The following PRKAR2B variants were observed in gnomAD, a reference collection of about 807,000 sequenced individuals.
The protein encoded by PRKAR2B is protein kinase cAMP-dependent type II regulatory subunit beta.
PRKAR2B carries 14 observed loss-of-function variants against 49.9 expected under a neutral mutation model. That is an observed-to-expected ratio of 0.28 (90% CI 0.19 to 0.44). The LOEUF is 0.44. Among genes scored for constraint, PRKAR2B ranks in the 20% least tolerant of loss-of-function variants. The probability of loss-of-function intolerance (pLI) is 1.00; values close to 1 mark genes in which losing one functional copy is unlikely to be tolerated. For synonymous variants in PRKAR2B, 196 were observed against 197.7 expected (o/e 0.99, Z 0.07); for missense variants, 393 against 537.9 (o/e 0.73, Z 2.67).
chr7:107,095,630 A>G (rs1049732911), intron 2 of PRKAR2B, among the ~76,000 whole-genome samples: 8 of 152,098 alleles, frequency 5.3e-5, no homozygotes, highest in Non-Finnish European at 7.4e-5. Context: ...TATGATATTG[A>G]CTGTGGGTTT....
chr7:107,130,329 C>G (rs1418436627), intron 4 of PRKAR2B, among the ~76,000 whole-genome samples: 1 of 151,350 alleles, frequency 6.6e-6, no homozygotes, highest in Non-Finnish European at 1.5e-5. Context: ...GAAACACTGT[C>G]TCTACTAAAA....
chr7:107,070,521 A>G (rs940301104), intron 2 of PRKAR2B, among the ~76,000 whole-genome samples: 1 of 152,242 alleles, frequency 6.6e-6, no homozygotes, highest in Admixed American at 6.5e-5. Context: ...TTCAAATGCA[A>G]TTGAAAATGT....
chr7:107,134,624 T>C (rs1160887030), intron 4 of PRKAR2B, among the ~76,000 whole-genome samples: 1 of 152,222 alleles, frequency 6.6e-6, no homozygotes, highest in Non-Finnish European at 1.5e-5. Flanking sequence ...CAAAACCATA[T>C]ACTGGGCTCG....
intron 1 of PRKAR2B, among the ~76,000 whole-genome samples, chr7:107,066,234 C>T (rs1420175107): frequency 6.6e-6 from 1 of 151,546 alleles, no homozygotes; most frequent in African/African-American, 2.4e-5. Flanking sequence ...TTGTTTGTTT[C>T]TCCAGGCATA....
chr7:107,064,139 T>G (rs1011789708), intron 1 of PRKAR2B, among the ~76,000 whole-genome samples: 2 of 152,232 alleles, frequency 1.3e-5, no homozygotes, highest in African/African-American at 4.8e-5. Flanking sequence ...TGTGTAGTTT[T>G]ATAAAAACTT....
chr7:107,044,982 C>A lies in PRKAR2B; in HGVS notation c.75C>A (p.Pro25=), dbSNP rs75727925. The A allele has an allele frequency of 2.5e-3, 3,973 of 1,573,624 alleles. 81 individuals are homozygous for A. The African/African-American group carries it at 0.047, about 18-fold the overall frequency. The change falls in exon 1 of 11, where the codon CCC becomes CCA. Residue 25 remains proline, a synonymous_variant. Transcript: ENST00000265717. ...GFTVEVLRHQ[P]ADLLEFALQH... ...CGGTGGAGGTGCTGAGGCACCAGCC[C>A]GCGGACCTGCTGGAGTTCGCGCTGC...
chr7:107,159,724 C>A lies in PRKAR2B; in HGVS notation c.*142C>A. 2 of 806,358 alleles carry A rather than the reference C, an allele frequency of 2.5e-6. No homozygotes were observed. Among genetic ancestry groups the A allele is most frequent in the Non-Finnish European group, 3.8e-6 (2 of 527,422 alleles). The allele number at this position is 806,358 out of a possible 1,614,324, so 50.0% of individuals were successfully genotyped here. On this transcript the variant is annotated 3_prime_UTR_variant, in exon 11 of 11. Transcript: ENST00000265717. ...TTTACATTTACAACGTATCAATAAACAGTAGTGATTTAATAGTCAATAGGC... is the reference window on the plus strand; with the variant it reads ...TTTACATTTACAACGTATCAATAAAAAGTAGTGATTTAATAGTCAATAGGC...
intron 2 of PRKAR2B, chr7:107,078,368 G>A (rs1794447452): frequency 6.6e-6 from 1 of 152,352 alleles, no homozygotes; most frequent in African/African-American, 2.4e-5. Flanking sequence ...TGTCAGTCTT[G>A]AGCAAGGGAG....
At chr7:107,065,133 G>A (rs1426938831) in intron 1 of PRKAR2B, among the ~76,000 whole-genome samples, 1 of 152,174 alleles carries the variant, frequency 6.6e-6, no homozygotes, top group Non-Finnish European at 1.5e-5. Flanking sequence ...TTCAGAAAGT[G>A]TTTGTTGCTA....
At position 107,150,909 on chromosome 7, in the gene PRKAR2B, G is replaced by A. The variant is rs751858692; in HGVS notation, c.742-13G>A. The A allele has an allele frequency of 6.0e-6, 9 of 1,487,964 alleles. No homozygotes were observed. The highest frequency in any genetic ancestry group is 1.9e-6 in the Non-Finnish European group (2 of 1,080,040). The allele number at this position is 1,487,964 out of a possible 1,614,324, so 92.2% of individuals were successfully genotyped here. On this transcript the variant is annotated splice_polypyrimidine_tract_variant and intron_variant, in intron 6 of 10. Coordinates refer to ENST00000265717, the MANE Select transcript of PRKAR2B (RefSeq NM_002736.3). ...CCCCCATAAAATTTACCCTTTAACTGTTCTGCCTGTAGGACAGGGTAACCT... is the reference window on the plus strand; with the variant it reads ...CCCCCATAAAATTTACCCTTTAACTATTCTGCCTGTAGGACAGGGTAACCT...
At chr7:107,046,625 GC>G (rs1184846174) in intron 1 of PRKAR2B, among the ~76,000 whole-genome samples, 1 of 152,142 alleles carries the variant, frequency 6.6e-6, no homozygotes, top group East Asian at 1.9e-4. Context: ...CGAATCAAAA[GC>G]TTTTCCTACC....
chr7:107,085,669 C>G (rs1439761781), intron 2 of PRKAR2B, among the ~76,000 whole-genome samples: 1 of 152,048 alleles, frequency 6.6e-6, no homozygotes, highest in Non-Finnish European at 1.5e-5. Flanking sequence ...AAACTTATAT[C>G]CAATTTTTTG....
chr7:107,110,756 C>T (rs1795156173), intron 2 of PRKAR2B, among the ~76,000 whole-genome samples: 1 of 152,054 alleles, frequency 6.6e-6, no homozygotes. Flanking sequence ...CCTGAATAAC[C>T]AGCAGCAATA....
chr7:107,071,560 A>C (rs1794277738), intron 2 of PRKAR2B, among the ~76,000 whole-genome samples: 1 of 152,204 alleles, frequency 6.6e-6, no homozygotes, highest in African/African-American at 2.4e-5. Context: ...GTGTGATCAT[A>C]TTCTAGTGTA....
At chr7:107,148,152 C>T (rs1217893268) in intron 6 of PRKAR2B, among the ~76,000 whole-genome samples, 4 of 152,178 alleles carry the variant, frequency 2.6e-5, no homozygotes, top group African/African-American at 9.7e-5. Flanking sequence ...AGTCCTTCAC[C>T]CACAGAAGTC....
chr7:107,086,068 A>T (rs1484808324), intron 2 of PRKAR2B, among the ~76,000 whole-genome samples: 2 of 152,202 alleles, frequency 1.3e-5, no homozygotes, highest in East Asian at 3.8e-4. Flanking sequence ...AATGTCTGTT[A>T]ATTTGCTAGC....
chr7:107,060,339 G>A lies in PRKAR2B; in HGVS notation c.308-9942G>A, dbSNP rs115565615. On this transcript the variant is annotated intron_variant, in intron 1 of 10. Transcript: ENST00000265717. Reference sequence around the variant, plus strand: ...CTTTATAAAGGTGTTGCACCAGTTTGTACTGTCATCAGCAGTATGAGTCCC... The same window carrying A: ...CTTTATAAAGGTGTTGCACCAGTTTATACTGTCATCAGCAGTATGAGTCCC... 8.2e-3 allele frequency among the ~76,000 whole-genome samples: 1,250 copies of A among 152,248 alleles called. 19 individuals carry two copies. The highest frequency in any genetic ancestry group is 0.026 in the African/African-American group (1,099 of 41,554).
chr7:107,111,748 C>A (rs1314758737), intron 2 of PRKAR2B, among the ~76,000 whole-genome samples: 1 of 151,948 alleles, frequency 6.6e-6, no homozygotes, highest in African/African-American at 2.4e-5. Context: ...ACTTGATGAG[C>A]ACTTACGGAA....
intron 1 of PRKAR2B, among the ~76,000 whole-genome samples, chr7:107,048,198 G>A (rs183826154): frequency 1.3e-5 from 2 of 152,258 alleles, no homozygotes; most frequent in East Asian, 3.9e-4. Flanking sequence ...TCCCTTATAT[G>A]TCAAGCTCTA....
Sources: gnomAD v4.1 joint callset for allele counts (sites outside exome capture counted in the v4.1 genomes callset) on GRCh38, gnomAD v4.1.1 for gene constraint, MANE v1.5 for transcripts, NCBI Gene and HGNC (gene_info 2026-07-23, HGNC 2026-07-21) for gene names.